ZNF438: variants seen among roughly 807,000 people sequenced by gnomAD.
The protein encoded by ZNF438 is zinc finger protein 438.
ZNF438 carries 25 observed loss-of-function variants against 38.0 expected under a neutral mutation model. The observed-to-expected ratio is 0.66, with a 90% CI of 0.48 to 0.92. The LOEUF (loss-of-function observed/expected upper bound fraction) is 0.92, where lower values mean the gene tolerates loss of function less well. Among genes scored for constraint, ZNF438 ranks in the 40% least tolerant of loss-of-function variants. The pLI, the probability that ZNF438 is intolerant of heterozygous loss-of-function variation, is 0.00. For missense variants in ZNF438, 1,007 were observed against 999.6 expected, an observed-to-expected ratio of 1.01 and a Z score of -0.10; for synonymous variants, 372 against 364.1, an observed-to-expected ratio of 1.02 and a Z score of -0.25.
intron 3 of ZNF438, among the ~76,000 whole-genome samples, chr10:30,906,849 G>C (rs1442348499): frequency 6.6e-6 from 1 of 152,182 alleles, no homozygotes; most frequent in Non-Finnish European, 1.5e-5. Flanking sequence ...TTCTATTAAT[G>C]TGGTGTCAAC....
chr10:30,890,794 A>T (rs2040584213), intron 3 of ZNF438, among the ~76,000 whole-genome samples: 1 of 152,242 alleles, frequency 6.6e-6, no homozygotes, highest in African/African-American at 2.4e-5. Flanking sequence ...TTCTTCCAGC[A>T]TTTAGACCTC....
chr10:31,011,815 CAG>C (rs1249155222), intron 1 of ZNF438, among the ~76,000 whole-genome samples: 2 of 152,216 alleles, frequency 1.3e-5, no homozygotes, highest in Non-Finnish European at 2.9e-5. Context: ...AAAAGTAAAA[CAG>C]ATGTTATGTC....
chr10:30,893,471 G>A (rs2040954232), intron 3 of ZNF438, among the ~76,000 whole-genome samples: 1 of 152,190 alleles, frequency 6.6e-6, no homozygotes, highest in South Asian at 2.1e-4. Flanking sequence ...TTCTTGCTAT[G>A]AAAACAACTT....
chr10:30,978,730 T>C (rs1337742687), intron 1 of ZNF438, among the ~76,000 whole-genome samples: 1 of 152,178 alleles, frequency 6.6e-6, no homozygotes. Context: ...ATGGAATCAG[T>C]TGTGGTGTTC....
chr10:30,930,839 A>ATGGTTCT (rs1304231960), intron 2 of ZNF438, among the ~76,000 whole-genome samples: 1 of 118,218 alleles, frequency 8.5e-6, no homozygotes, highest in Non-Finnish European at 1.8e-5. Context: ...AAAAAAGCAA[A>ATGGTTCT]TGGTTCTTTC....
In ZNF438 at chr10:30,963,418, C is replaced by T. The variant is rs771850603; in HGVS notation, c.-191-21767G>A. ...AAAAAAAAAAAAAAAAAAAAAGAAA[C>T]TTTAAGAGGTTAATAGAAACTCCTA... On this transcript the variant is annotated intron_variant, in intron 1 of 5. Coordinates refer to ENST00000413025, the Ensembl canonical transcript of ZNF438. Among the ~76,000 whole-genome samples the T allele has an allele frequency of 5.3e-3, 721 of 135,736 alleles. 7 individuals are homozygous for T. The highest frequency in any genetic ancestry group is 0.035 in the Middle Eastern group (9 of 256). 89.0% of individuals were successfully genotyped at this position (135,736 alleles called of 152,430 possible).
chr10:31,014,536 A>G (rs1462615765), intron 1 of ZNF438, among the ~76,000 whole-genome samples: 1 of 152,120 alleles, frequency 6.6e-6, no homozygotes, highest in Non-Finnish European at 1.5e-5. Context: ...TAATTACTAT[A>G]AACATGGAGG....
intron 1 of ZNF438, among the ~76,000 whole-genome samples, chr10:30,943,815 T>C (rs2047074950): frequency 6.6e-6 from 1 of 152,170 alleles, no homozygotes; most frequent in South Asian, 2.1e-4. Flanking sequence ...AAGCCTCCTT[T>C]AAAACCTAGA....
chr10:30,890,658 T>C (rs779148354), intron 3 of ZNF438, among the ~76,000 whole-genome samples: 5 of 152,226 alleles, frequency 3.3e-5, no homozygotes, highest in Non-Finnish European at 7.3e-5. Context: ...TAGAATAATC[T>C]TTCCATTTTT....
chr10:30,907,266 C>T (rs1003619951), intron 3 of ZNF438, among the ~76,000 whole-genome samples: 3 of 152,186 alleles, frequency 2.0e-5, no homozygotes, highest in African/African-American at 7.2e-5. Flanking sequence ...TGAGCCACCA[C>T]ACCTGGCAAG....
chr10:30,875,276 CT>C, intron 4 of ZNF438: 1 of 985,456 alleles, frequency 1.0e-6, no homozygotes, highest in Non-Finnish European at 1.2e-6. Flanking sequence ...TGCTTTCTCC[CT>C]CTGTATCAGC....
At chr10:31,015,873 A>G (rs995215587) in intron 1 of ZNF438, among the ~76,000 whole-genome samples, 2 of 152,152 alleles carry the variant, frequency 1.3e-5, no homozygotes, top group Non-Finnish European at 2.9e-5. Context: ...CACACAGGTG[A>G]AAAGAGAGCT....
chr10:31,019,728 ATTG>A (rs1225269376), intron 1 of ZNF438, among the ~76,000 whole-genome samples: 1 of 152,186 alleles, frequency 6.6e-6, no homozygotes, highest in South Asian at 2.1e-4. Context: ...CAGATAAATA[ATTG>A]TTGTTTTTTG....
chr10:30,856,640 T>C (rs544085666), intron 4 of ZNF438, among the ~76,000 whole-genome samples: 1 of 152,208 alleles, frequency 6.6e-6, no homozygotes, highest in East Asian at 1.9e-4. Flanking sequence ...GAAGTAAAAA[T>C]TTCCACTGAC....
chr10:30,953,944 C>G (rs756001745), intron 1 of ZNF438, among the ~76,000 whole-genome samples: 1 of 152,108 alleles, frequency 6.6e-6, no homozygotes, highest in Non-Finnish European at 1.5e-5. Context: ...GAGTTCAAGA[C>G]CAGCCTGGCC....
At chr10:30,914,274 CAG>C (rs998505250) in intron 2 of ZNF438, among the ~76,000 whole-genome samples, 1 of 151,914 alleles carries the variant, frequency 6.6e-6, no homozygotes, top group Non-Finnish European at 1.5e-5. Context: ...ATTATGGCAA[CAG>C]GGGGCAGATT....
intron 4 of ZNF438, among the ~76,000 whole-genome samples, chr10:30,868,136 C>T (rs2036781968): frequency 6.6e-6 from 1 of 150,864 alleles, no homozygotes; most frequent in African/African-American, 2.4e-5. Flanking sequence ...ATGGCACGAT[C>T]TCAACTCACT....
At chr10:30,993,866 G>A (rs1463773110) in intron 1 of ZNF438, among the ~76,000 whole-genome samples, 1 of 152,268 alleles carries the variant, frequency 6.6e-6, no homozygotes, top group African/African-American at 2.4e-5. Context: ...GCCCAACCCT[G>A]CACCCGTGTG....
At chr10:30,963,103 C>CT (rs1412958054) in intron 1 of ZNF438, among the ~76,000 whole-genome samples, 1 of 151,986 alleles carries the variant, frequency 6.6e-6, no homozygotes, top group Admixed American at 6.6e-5. Flanking sequence ...GTGAAAGAAA[C>CT]TTTAAGAGGT....
Sources: gnomAD v4.1 joint callset for allele counts (sites outside exome capture counted in the v4.1 genomes callset) on GRCh38, gnomAD v4.1.1 for gene constraint, MANE v1.5 for transcripts, NCBI Gene and HGNC (gene_info 2026-07-23, HGNC 2026-07-21) for gene names.